IDNK: variants seen among roughly 807,000 people sequenced by gnomAD.
IDNK encodes the protein IDNK gluconokinase, also known as gluconokinase.
IDNK carries 9 observed loss-of-function variants against 13.0 expected under a neutral mutation model. The ratio of observed to expected loss-of-function variants is 0.69; its 90% CI spans 0.42 to 1.21. The LOEUF (loss-of-function observed/expected upper bound fraction) is 1.21, where lower values mean the gene tolerates loss of function less well. IDNK is among the 50% of genes most tolerant of loss of function. IDNK has a pLI of 0.00. For missense variants in IDNK, 210 were observed against 237.8 expected (o/e 0.88, Z 0.77); for synonymous variants, 92 against 94.9 (o/e 0.97, Z 0.18).
chr9:83,629,218 C>A (rs974730126), intron 3 of IDNK, among the ~76,000 whole-genome samples: 1 of 152,226 alleles, frequency 6.6e-6, no homozygotes, highest in Non-Finnish European at 1.5e-5. Flanking sequence ...GGATTTTAAC[C>A]TGAAGAATGT....
At chr9:83,624,046 A>G (rs1322676939) in intron 1 of IDNK, among the ~76,000 whole-genome samples, 1 of 152,228 alleles carries the variant, frequency 6.6e-6, no homozygotes, top group Non-Finnish European at 1.5e-5. Flanking sequence ...TGGCCTGTGT[A>G]GTCAGGTGTA....
chr9:83,628,805 A>G, intron 2 of IDNK, 68 bp from the exon 3 acceptor site: 1 of 1,099,230 alleles, frequency 9.1e-7, no homozygotes, highest in Non-Finnish European at 1.4e-6. Context: ...GCCTGTTAGT[A>G]ATCCCACAAT....
At chr9:83,643,334 A>C in intron 4 of IDNK, 95 bp from the exon 5 acceptor site, 1 of 922,772 alleles carries the variant, frequency 1.1e-6, no homozygotes, top group African/African-American at 1.7e-5. Flanking sequence ...ACTGGCAGGA[A>C]GTAGGACTAG....
chr9:83,642,214 A>G (rs199752065), intron 4 of IDNK, among the ~76,000 whole-genome samples: 1 of 152,204 alleles, frequency 6.6e-6, no homozygotes, highest in Non-Finnish European at 1.5e-5. Flanking sequence ...GTGGAGAAGG[A>G]TAAGGAAAAG....
chr9:83,637,865 T>C (rs986640649), intron 3 of IDNK, among the ~76,000 whole-genome samples: 2 of 152,122 alleles, frequency 1.3e-5, no homozygotes, highest in East Asian at 1.9e-4. Context: ...AGGGCTGTCT[T>C]TGAATGAGGA....
At chr9:83,624,002 C>G (rs1450618784) in intron 1 of IDNK, among the ~76,000 whole-genome samples, 1 of 152,206 alleles carries the variant, frequency 6.6e-6, no homozygotes, top group Non-Finnish European at 1.5e-5. Context: ...TAGGACCCTT[C>G]TAGAATTTTC....
intron 3 of IDNK, among the ~76,000 whole-genome samples, chr9:83,635,857 G>A (rs888054464): frequency 6.6e-6 from 1 of 152,128 alleles, no homozygotes; most frequent in Non-Finnish European, 1.5e-5. Context: ...ATACTCTGGG[G>A]TTAGAAATCA....
chr9:83,635,739 C>T (rs569276329), intron 3 of IDNK, among the ~76,000 whole-genome samples: 3 of 152,362 alleles, frequency 2.0e-5, no homozygotes, highest in South Asian at 2.1e-4. Context: ...GAAAGCACCT[C>T]GCTGTGGTCC....
In IDNK at chr9:83,632,007, T is replaced by A. The variant is rs116064435; in HGVS notation, c.168+3048T>A. ...CTGAAAAAAATCTCCTGATTATAAT[T>A]GTAATATTTGCCCTGTATAGAAAAT... On this transcript the variant is annotated intron_variant, in intron 3 of 4. Coordinates refer to ENST00000376419, the MANE Select transcript of IDNK (RefSeq NM_001001551.4). 5.1e-3 allele frequency among the ~76,000 whole-genome samples: 772 copies of A among 152,258 alleles called. 8 individuals carry two copies. The highest frequency in any genetic ancestry group is 0.018 in the African/African-American group (741 of 41,538).
rs763698280 is a variant in IDNK at position 83,626,495 on chromosome 9, C to T, written c.51-1686C>T. On this transcript the variant is annotated intron_variant, in intron 1 of 4. Transcript: ENST00000376419. Reference sequence around the variant, plus strand: ...ACAGTGGCGTGATCTCGGCTCACTGCAACCTCTGCCTCCTGAGTTCAAGCG... The same window carrying T: ...ACAGTGGCGTGATCTCGGCTCACTGTAACCTCTGCCTCCTGAGTTCAAGCG... 10 of 385,686 alleles carry T rather than the reference C, an allele frequency of 2.6e-5. No homozygotes were observed. In the Admixed American group the frequency reaches 2.8e-4, roughly 11 times the overall value. The allele number at this position is 385,686 out of a possible 1,614,324, so 23.9% of individuals were successfully genotyped here.
At chr9:83,631,443 C>T (rs114820397) in intron 3 of IDNK, among the ~76,000 whole-genome samples, 982 of 20,482 alleles carry the variant, frequency 0.048, 17 homozygotes, top group African/African-American at 0.17. Context: ...CCTGCCTCTA[C>T]AAAAACTGAA....
rs149340676 is a variant in IDNK at position 83,627,299 on chromosome 9, C to T, written c.51-882C>T. On this transcript the variant is annotated intron_variant, in intron 1 of 4. Transcript: ENST00000376419. The stretch of plus-strand genomic sequence containing the variant: ...CACTTTATGGGTCATTGTCTGCTGG[C>T]CTCCACCCCTACCTACCCTATGTAC... Among the ~76,000 whole-genome samples the T allele has an allele frequency of 2.6e-4, 40 of 152,328 alleles. No individual in the cohort carries two copies. The East Asian group carries it at 6.7e-3, about 26-fold the overall frequency.
At chr9:83,636,237 C>G (rs762956988) in intron 3 of IDNK, among the ~76,000 whole-genome samples, 1 of 152,120 alleles carries the variant, frequency 6.6e-6, no homozygotes, top group Non-Finnish European at 1.5e-5. Context: ...AAAGCACCTA[C>G]AACAGTGGCT....
chr9:83,627,936 C>T (rs1830905120), intron 1 of IDNK: 9 of 1,035,384 alleles, frequency 8.7e-6, no homozygotes, highest in Non-Finnish European at 9.8e-6. Flanking sequence ...TTAATGAGAT[C>T]TTATATATTG....
At chr9:83,623,432 C>G in intron 1 of IDNK, 1 of 560,302 alleles carries the variant, frequency 1.8e-6, no homozygotes, top group South Asian at 2.0e-5. Context: ...CGCATCCGAG[C>G]TCCGGGTTCC....
intron 4 of IDNK, among the ~76,000 whole-genome samples, chr9:83,641,972 G>A (rs2131119774): frequency 1.3e-5 from 2 of 152,314 alleles, no homozygotes; most frequent in Middle Eastern, 6.8e-3. Flanking sequence ...TACATAGTAA[G>A]TGCTCAAAAA....
chr9:83,642,878 G>A (rs1053235985), intron 4 of IDNK, among the ~76,000 whole-genome samples: 2 of 152,166 alleles, frequency 1.3e-5, no homozygotes, highest in Non-Finnish European at 1.5e-5. Flanking sequence ...CCCACAGAGA[G>A]GCTGATGCTC....
chr9:83,627,947 C>A, intron 1 of IDNK: 1 of 1,182,372 alleles, frequency 8.5e-7, no homozygotes. Flanking sequence ...TTATATATTG[C>A]CTTTAGAGAA....
chr9:83,638,428 G>C (rs1221661406), intron 3 of IDNK, among the ~76,000 whole-genome samples: 1 of 152,100 alleles, frequency 6.6e-6, no homozygotes, highest in Non-Finnish European at 1.5e-5. Context: ...AAATATTCAA[G>C]AAAAATGAAT....
Sources: allele counts gnomAD v4.1 joint callset (sites outside exome capture counted in the v4.1 genomes callset), GRCh38; gene constraint gnomAD v4.1.1; transcripts MANE v1.5; gene names NCBI Gene and HGNC (gene_info 2026-07-23, HGNC 2026-07-21).